PLCG2: variants seen among roughly 807,000 people sequenced by gnomAD.
PLCG2 encodes the protein 1-phosphatidylinositol 4,5-bisphosphate phosphodiesterase gamma-2.
Under a neutral mutation model 175.6 loss-of-function variants are expected in PLCG2, and 69 were observed. The ratio of observed to expected loss-of-function variants is 0.39; its 90% CI spans 0.32 to 0.48. PLCG2 has a LOEUF of 0.48. Ranked by LOEUF, PLCG2 falls within the 20% of genes least tolerant of loss-of-function variation. The pLI is 0.91. For synonymous variants in PLCG2, 827 were observed against 624.0 expected, an observed-to-expected ratio of 1.33 and a Z score of -4.85; for missense variants, 1,798 against 1,650.9, an observed-to-expected ratio of 1.09 and a Z score of -1.54.
At chr16:81,789,056 C>T (rs138032952) in intron 2 of PLCG2, among the ~76,000 whole-genome samples, 97 of 152,294 alleles carry the variant, frequency 6.4e-4, no homozygotes, top group Non-Finnish European at 1.2e-3. Context: ...GGGTATTAAC[C>T]ATGGCATGTG....
At chr16:81,852,070 C>G (rs1239971901) in intron 2 of PLCG2, 2 of 152,342 alleles carry the variant, frequency 1.3e-5, no homozygotes, top group African/African-American at 4.8e-5. Context: ...CCTCTTCTTG[C>G]TGCAAAGCTG....
intron 2 of PLCG2, among the ~76,000 whole-genome samples, chr16:81,763,449 A>G (rs746120369): frequency 8.5e-5 from 13 of 152,344 alleles, no homozygotes; most frequent in East Asian, 7.7e-4. Context: ...GGCTGGGGCC[A>G]TCTCCAAGGT....
intron 5 of PLCG2, among the ~76,000 whole-genome samples, chr16:81,868,967 T>G (rs900683468): frequency 1.3e-5 from 2 of 152,226 alleles, no homozygotes; most frequent in African/African-American, 2.4e-5. Context: ...GCCCTCCTTA[T>G]TGGGGCATCA....
intron 14 of PLCG2, 105 bp from the exon 15 acceptor site, chr16:81,905,298 G>T (rs768134441): frequency 4.1e-6 from 3 of 730,674 alleles, no homozygotes; most frequent in East Asian, 5.4e-5. Context: ...GCAAGAACAG[G>T]CAGTGCAAAG....
intron 7 of PLCG2, among the ~76,000 whole-genome samples, chr16:81,873,805 A>G (rs9922016): frequency 0.012 from 1,820 of 152,318 alleles, 42 homozygotes; most frequent in African/African-American, 0.038. Context: ...GAAGATTTGC[A>G]CAAAAGCTGT....
At chr16:81,920,700 G>T (rs1447681924) in intron 20 of PLCG2, among the ~76,000 whole-genome samples, 2 of 152,162 alleles carry the variant, frequency 1.3e-5, no homozygotes, top group Non-Finnish European at 2.9e-5. Context: ...AGGTGGTGGG[G>T]GTGGATCTTG....
At chr16:81,875,443 C>T (rs1049762913) in intron 7 of PLCG2, among the ~76,000 whole-genome samples, 4 of 152,138 alleles carry the variant, frequency 2.6e-5, no homozygotes, top group East Asian at 1.9e-4. Flanking sequence ...CCAACTTTGA[C>T]GCATAGCCAT....
chr16:81,951,715 G>A (rs1302436577), intron 31 of PLCG2, among the ~76,000 whole-genome samples: 1 of 152,140 alleles, frequency 6.6e-6, no homozygotes, highest in Non-Finnish European at 1.5e-5. Context: ...TTTACTAGAA[G>A]AGCAATATAT....
chr16:81,862,880 A>G (rs1907051106), intron 5 of PLCG2, among the ~76,000 whole-genome samples: 1 of 152,192 alleles, frequency 6.6e-6, no homozygotes, highest in Admixed American at 6.5e-5. Flanking sequence ...TCAAAAACAA[A>G]AACAAAACAA....
chr16:81,956,640 T>G (rs967848385), intron 31 of PLCG2, 55 bp from the exon 32 acceptor site: 7 of 1,496,814 alleles, frequency 4.7e-6, no homozygotes, highest in Non-Finnish European at 6.4e-6. Flanking sequence ...AGGTTCACAT[T>G]TTGGTTTGGA....
At chr16:81,890,329 A>G (rs867533097) in intron 10 of PLCG2, among the ~76,000 whole-genome samples, 1 of 152,228 alleles carries the variant, frequency 6.6e-6, no homozygotes, top group Non-Finnish European at 1.5e-5. Context: ...TATTTAAACT[A>G]TAAACTAAAT....
intron 31 of PLCG2, among the ~76,000 whole-genome samples, chr16:81,954,607 T>G (rs1040093731): frequency 1.3e-5 from 2 of 152,214 alleles, no homozygotes; most frequent in African/African-American, 4.8e-5. Context: ...ATTCCTGTGT[T>G]AGTTTGCTGG....
intron 2 of PLCG2, among the ~76,000 whole-genome samples, chr16:81,764,562 C>A (rs1019628223): frequency 6.6e-6 from 1 of 152,200 alleles, no homozygotes; most frequent in Non-Finnish European, 1.5e-5. Context: ...GTCTCACCCT[C>A]CAGCCCATGC....
chr16:81,910,382 C>T (rs944554439), intron 17 of PLCG2, 138 bp from the exon 18 acceptor site: 23 of 741,140 alleles, frequency 3.1e-5, no homozygotes, highest in East Asian at 1.3e-4. Flanking sequence ...TGAGCCACTG[C>T]GCCCAGCCTC....
chr16:81,874,458 C>T (rs1156964073), intron 7 of PLCG2, among the ~76,000 whole-genome samples: 10 of 152,222 alleles, frequency 6.6e-5, no homozygotes, highest in Non-Finnish European at 1.5e-4. Flanking sequence ...TAGATGGCTT[C>T]TGGCCAGCTC....
At chr16:81,931,093 C>G (rs1020208061) in intron 24 of PLCG2, among the ~76,000 whole-genome samples, 1 of 152,018 alleles carries the variant, frequency 6.6e-6, no homozygotes, top group Non-Finnish European at 1.5e-5. Flanking sequence ...TTCTCTCATG[C>G]ATTTTAATGT....
chr16:81,815,513 GT>G (rs1374189538), intron 2 of PLCG2, among the ~76,000 whole-genome samples: 1 of 152,204 alleles, frequency 6.6e-6, no homozygotes, highest in Non-Finnish European at 1.5e-5. Flanking sequence ...GTTGGGGGCT[GT>G]TTTCTTCTTC....
At chr16:81,816,698 C>G (rs1165968565) in intron 2 of PLCG2, among the ~76,000 whole-genome samples, 2 of 110,108 alleles carry the variant, frequency 1.8e-5, no homozygotes, top group Admixed American at 1.3e-4. Flanking sequence ...GGTGGGATCT[C>G]ACTATGTTGT....
chr16:81,772,815 A>T (rs1555505019), intron 2 of PLCG2, among the ~76,000 whole-genome samples: 1 of 151,876 alleles, frequency 6.6e-6, no homozygotes, highest in Non-Finnish European at 1.5e-5. Context: ...TCTCCAAAAA[A>T]AAGAATGACT....
Sources: gnomAD v4.1 joint callset for allele counts (sites outside exome capture counted in the v4.1 genomes callset) on GRCh38, gnomAD v4.1.1 for gene constraint, MANE v1.5 for transcripts, NCBI Gene and HGNC (gene_info 2026-07-23, HGNC 2026-07-21) for gene names.